The following H2AZ1 variants were observed in gnomAD, a reference collection of about 807,000 sequenced individuals.
H2AZ1 encodes histone H2A.Z.
In H2AZ1, 3 loss-of-function variants were observed where a neutral mutation model predicts 16.6. That is an observed-to-expected ratio of 0.18 (90% CI 0.08 to 0.47). The LOEUF (loss-of-function observed/expected upper bound fraction) is 0.47. H2AZ1 is among the 20% of genes least tolerant of loss of function. The pLI is 0.98. For synonymous variants in H2AZ1, 78 were observed against 60.7 expected, an observed-to-expected ratio of 1.28 and a Z score of -1.32; for missense variants, 27 against 163.6, an observed-to-expected ratio of 0.17 and a Z score of 4.55.
chr4:99,949,109 AAGCTCAGTAGGATCCTTGTTGAACACC>A, intron 3 of H2AZ1, 137 bp downstream of exon 3: 1 of 669,920 alleles, frequency 1.5e-6, no homozygotes, highest in South Asian at 1.8e-5. Flanking sequence ...CAGAGAACTC[AAGCTCAGTAGGATCCTTGTTGAACACC>A]AGCTCCCTCT....
Position 99,949,708 on chromosome 4 carries a change from C to T in H2AZ1, c.36G>A (p.Lys12=), listed in dbSNP as rs748156598. 13 of 1,613,820 alleles carry T rather than the reference C, an allele frequency of 8.1e-6. No individual in the cohort carries two copies. The highest frequency in any genetic ancestry group is 1.0e-5 in the Non-Finnish European group (12 of 1,179,950). ...AGGKAGKDSG[K]AKTKAVSRSQ... ...AGCGGGAAACCGCCTTTGTCTTGGCCTTTCCGGAGTCCTTTCCAGCCTTAC... is the reference window on the plus strand; with the variant it reads ...AGCGGGAAACCGCCTTTGTCTTGGCTTTTCCGGAGTCCTTTCCAGCCTTAC... Residue 12 remains lysine, a synonymous_variant, in exon 2 of 5, where the codon AAG becomes AAA. Transcript: ENST00000296417.
chr4:99,948,427 T>TA lies in H2AZ1; in HGVS notation c.*34dup, dbSNP rs770601180. The stretch of plus-strand genomic sequence containing the variant: ...AACACTGGACAGCTGTTAGAGTATT[T>TA]AGAGTCCTGAGATAACAAGGAATCC... On this transcript the variant is annotated 3_prime_UTR_variant, in exon 5 of 5. Coordinates refer to ENST00000296417, the MANE Select transcript of H2AZ1 (RefSeq NM_002106.4). The TA allele has an allele frequency of 1.2e-5, 14 of 1,144,530 alleles. No homozygotes were observed. Among genetic ancestry groups the TA allele is most frequent in the Non-Finnish European group, 1.3e-5 (10 of 751,766 alleles). The allele number at this position is 1,144,530 out of a possible 1,614,324, so 70.9% of individuals were successfully genotyped here.
Position 99,948,191 on chromosome 4 carries a change from AAC to A in H2AZ1, c.*269_*270del, listed in dbSNP as rs1727179060. The stretch of plus-strand genomic sequence containing the variant: ...ACTTCTGCATCACAATTAAAATCCA[AAC>A]AGTTTTTTAAAAACAGTCAACTCAA... On this transcript the variant is annotated 3_prime_UTR_variant, in exon 5 of 5. Transcript: ENST00000296417. 3.2e-6 allele frequency: 2 copies of A among 617,294 alleles called. No individual in the cohort carries two copies. The highest frequency in any genetic ancestry group is 1.6e-5 in the South Asian group (1 of 60,986). 38.2% of individuals were successfully genotyped at this position (617,294 alleles called of 1,614,324 possible). A position where few individuals can be genotyped will look rare whatever the true frequency, so the allele number is the denominator to read the frequency against.
At chr4:99,949,882 G>T in intron 1 of H2AZ1, 142 bp from the exon 2 acceptor site, 2 of 271,216 alleles carry the variant, frequency 7.4e-6, no homozygotes, top group Non-Finnish European at 1.2e-5. Flanking sequence ...GCGGCGCGCC[G>T]CAGGGGCGAC....
rs756913300 is a variant in H2AZ1 at position 99,949,363 on chromosome 4, T to A, written c.105A>T (p.Arg35=). ...GACTGGTCGTCCTAGATTTTAGGTGTCGATGAATACGGCCCACTGGGAACT... is the reference window on the plus strand; with the variant it reads ...GACTGGTCGTCCTAGATTTTAGGTGACGATGAATACGGCCCACTGGGAACT... ...GLQFPVGRIH[R]HLKSRTTSHG... is the part of the protein sequence containing the mutation. Residue 35 remains arginine (R), a synonymous_variant, in exon 3 of 5, where the codon CGA becomes CGT. Coordinates refer to ENST00000296417, the MANE Select transcript of H2AZ1 (RefSeq NM_002106.4). 3 of 1,610,362 alleles carry A rather than the reference T, an allele frequency of 1.9e-6. No homozygotes were observed. In the South Asian group the frequency reaches 3.3e-5, roughly 18 times the overall value.
chr4:99,949,514 TCCCC>T, intron 2 of H2AZ1, 128 bp from the exon 3 acceptor site: 1 of 974,506 alleles, frequency 1.0e-6, no homozygotes, highest in Non-Finnish European at 1.7e-6. Flanking sequence ...ACGTGATTCC[TCCCC>T]CCCATATTTA....
At chr4:99,949,150 G>C in intron 3 of H2AZ1, 123 bp downstream of exon 3, 1 of 667,988 alleles carries the variant, frequency 1.5e-6, no homozygotes, top group Non-Finnish European at 2.6e-6. Context: ...TCCCTCTAGC[G>C]TTCTCTTAGG....
At position 99,950,158 on chromosome 4, in the gene H2AZ1, C is replaced by G. The variant is rs757306566; in HGVS notation, c.3+10G>C. ...CCCGCGGAGTCATCGAGCGTCTCTG[C>G]GAAGTTTACCATTTCGAATTCCGCT... On this transcript the variant is annotated intron_variant, in intron 1 of 4. Coordinates refer to ENST00000296417, the MANE Select transcript of H2AZ1 (RefSeq NM_002106.4). 10 of 1,608,938 alleles carry G rather than the reference C, an allele frequency of 6.2e-6. No homozygotes were observed. The Admixed American group carries it at 1.7e-4, about 27-fold the overall frequency.
intron 4 of H2AZ1, 130 bp from the exon 5 acceptor site, chr4:99,948,653 AATTC>A (rs1385759644): frequency 5.4e-6 from 8 of 1,479,726 alleles, no homozygotes; most frequent in African/African-American, 1.4e-5. Flanking sequence ...ATGAAGTAAA[AATTC>A]ATTGAGTTAT....
At chr4:99,949,947 C>T (rs1473222379) in intron 1 of H2AZ1, 2 of 212,964 alleles carry the variant, frequency 9.4e-6, no homozygotes, top group Non-Finnish European at 1.6e-5. Flanking sequence ...CTCCGCCCGC[C>T]GGCCCCCAGC....
chr4:99,949,531 G>GT (rs1727226677), intron 2 of H2AZ1, 132 bp downstream of exon 2: 1 of 1,018,654 alleles, frequency 9.8e-7, no homozygotes, highest in South Asian at 1.3e-5. Flanking sequence ...CATATTTATC[G>GT]TATGGGCAGC....
intron 2 of H2AZ1, 46 bp from the exon 3 acceptor site, chr4:99,949,432 C>T (rs1727222757): frequency 7.8e-7 from 1 of 1,277,952 alleles, no homozygotes; most frequent in African/African-American, 1.5e-5. Context: ...AAAATGAGAA[C>T]TAGAGATGGG....
At chr4:99,950,022 C>A (rs1727243035) in intron 1 of H2AZ1, 146 bp downstream of exon 1, 2 of 694,792 alleles carry the variant, frequency 2.9e-6, no homozygotes. Flanking sequence ...CCGCTAGCAG[C>A]CGACAAAACA....
At chr4:99,949,189 T>C in intron 3 of H2AZ1, 84 bp downstream of exon 3, 1 of 821,708 alleles carries the variant, frequency 1.2e-6, no homozygotes. Flanking sequence ...GCCTGGGAGT[T>C]TTCTTGCATC....
intron 1 of H2AZ1, 123 bp downstream of exon 1, chr4:99,950,045 C>A: frequency 1.1e-6 from 1 of 942,244 alleles, no homozygotes; most frequent in Admixed American, 2.0e-5. Flanking sequence ...TCCCCCCACT[C>A]TTCTAAATCC....
intron 1 of H2AZ1, 96 bp from the exon 2 acceptor site, chr4:99,949,836 G>A (rs28635099): frequency 0.061 from 59,228 of 970,886 alleles, 2,878 homozygotes; most frequent in East Asian, 0.25. Context: ...GTCCCGCCGC[G>A]AGCGCGTCCC....
chr4:99,948,631 T>C, intron 4 of H2AZ1, 108 bp from the exon 5 acceptor site: 1 of 1,520,162 alleles, frequency 6.6e-7, no homozygotes, highest in South Asian at 1.3e-5. Flanking sequence ...TTTAAAAACA[T>C]GCAGCTCAAG....
At chr4:99,949,621 G>T in intron 2 of H2AZ1, 42 bp downstream of exon 2, 2 of 1,572,696 alleles carry the variant, frequency 1.3e-6, no homozygotes, top group Non-Finnish European at 1.8e-6. Flanking sequence ...GAAATGCAAA[G>T]AAAAACATCA....
chr4:99,949,745 G>C lies in H2AZ1; in HGVS notation c.4-5C>G. 1 of 1,606,390 alleles carries C rather than the reference G, an allele frequency of 6.2e-7. No homozygotes were observed. The highest frequency in any genetic ancestry group is 1.7e-5 in the Admixed American group (1 of 58,738). On this transcript the variant is annotated splice_polypyrimidine_tract_variant and splice_region_variant and intron_variant, in intron 1 of 4. Coordinates refer to ENST00000296417, the MANE Select transcript of H2AZ1 (RefSeq NM_002106.4). ...CTTTCCAGCCTTACCGCCAGCCTGC[G>C]GCGCGCACACGCCCGCGAGCGGAGG... is the stretch of plus-strand genomic sequence containing the variant.
Sources: gnomAD v4.1 joint callset for allele counts on GRCh38, gnomAD v4.1.1 for gene constraint, MANE v1.5 for transcripts, NCBI Gene and HGNC (gene_info 2026-07-23, HGNC 2026-07-21) for gene names.